ASIC2: variants seen among roughly 807,000 people sequenced by gnomAD.
ASIC2 encodes the protein acid-sensing ion channel 2.
In ASIC2, 25 loss-of-function variants were observed where a neutral mutation model predicts 57.3. The ratio of observed to expected loss-of-function variants is 0.44; its 90% CI spans 0.32 to 0.61. The LOEUF is 0.61. Among genes scored for constraint, ASIC2 ranks in the 20% least tolerant of loss-of-function variants. ASIC2 has a pLI of 0.06. For synonymous variants in ASIC2, 319 were observed against 307.5 expected (o/e 1.04, Z -0.39); for missense variants, 641 against 738.1 (o/e 0.87, Z 1.52).
chr17:33,439,511 T>A (rs1597728291), intron 1 of ASIC2, among the ~76,000 whole-genome samples: 1 of 152,122 alleles, frequency 6.6e-6, no homozygotes, highest in East Asian at 1.9e-4. Flanking sequence ...TTAAGTGCTG[T>A]AGTGTAAATT....
intron 1 of ASIC2, among the ~76,000 whole-genome samples, chr17:33,404,201 A>T (rs1225123002): frequency 6.6e-6 from 1 of 152,184 alleles, no homozygotes; most frequent in Non-Finnish European, 1.5e-5. Flanking sequence ...GTGACTGCAA[A>T]TTAATGAACA....
chr17:33,896,856 T>C (rs1202988628), intron 1 of ASIC2, among the ~76,000 whole-genome samples: 1 of 152,210 alleles, frequency 6.6e-6, no homozygotes, highest in Non-Finnish European at 1.5e-5. Context: ...ATTTTGTGTG[T>C]ATGGTTCCCC....
chr17:33,407,168 G>C (rs896487242), intron 1 of ASIC2, among the ~76,000 whole-genome samples: 3 of 152,152 alleles, frequency 2.0e-5, no homozygotes, highest in African/African-American at 7.2e-5. Flanking sequence ...GACATTTATT[G>C]GGCATTCGCC....
intron 1 of ASIC2, among the ~76,000 whole-genome samples, chr17:33,398,206 A>ATTT (rs1351745048): frequency 2.0e-5 from 3 of 152,220 alleles, no homozygotes; most frequent in African/African-American, 7.2e-5. Context: ...TTAGAACAAA[A>ATTT]GCTCCAAGAA....
At chr17:33,863,900 G>GTT (rs1031021531) in intron 1 of ASIC2, among the ~76,000 whole-genome samples, 1,186 of 72,388 alleles carry the variant, frequency 0.016, 12 homozygotes, top group South Asian at 0.071. Context: ...CTCTTTTTTT[G>GTT]TTTTTTTTTT....
chr17:33,188,069 A>G (rs1906273011), intron 1 of ASIC2, among the ~76,000 whole-genome samples: 1 of 152,164 alleles, frequency 6.6e-6, no homozygotes, highest in Non-Finnish European at 1.5e-5. Context: ...ATCATATATT[A>G]TTTGCTCAAG....
At chr17:33,602,096 C>T (rs1264295531) in intron 1 of ASIC2, among the ~76,000 whole-genome samples, 1 of 151,034 alleles carries the variant, frequency 6.6e-6, no homozygotes, top group African/African-American at 2.4e-5. Context: ...CCTTGGGTCT[C>T]CCTTATGTCT....
At chr17:33,250,120 T>C (rs1013388982) in intron 1 of ASIC2, among the ~76,000 whole-genome samples, 2 of 152,220 alleles carry the variant, frequency 1.3e-5, no homozygotes, top group African/African-American at 4.8e-5. Context: ...AGTTTCCTTA[T>C]TTGTAAAATG....
intron 1 of ASIC2, among the ~76,000 whole-genome samples, chr17:34,026,681 A>C (rs1200553605): frequency 6.6e-6 from 1 of 152,168 alleles, no homozygotes; most frequent in East Asian, 1.9e-4. Flanking sequence ...GCCATTTCCC[A>C]GCATTCATCA....
At chr17:33,831,439 A>G (rs552558293) in intron 1 of ASIC2, among the ~76,000 whole-genome samples, 5 of 152,264 alleles carry the variant, frequency 3.3e-5, no homozygotes, top group African/African-American at 1.2e-4. Context: ...GCCAGATCCT[A>G]CATTCTGGGC....
At chr17:33,685,812 C>T (rs529538620) in intron 1 of ASIC2, among the ~76,000 whole-genome samples, 16 of 152,288 alleles carry the variant, frequency 1.1e-4, no homozygotes, top group African/African-American at 3.8e-4. Context: ...TCAGACAGCA[C>T]TCAAACAAGA....
At chr17:34,133,475 T>A (rs4795870) in intron 1 of ASIC2, among the ~76,000 whole-genome samples, 1 of 152,116 alleles carries the variant, frequency 6.6e-6, no homozygotes, top group Admixed American at 6.5e-5. Flanking sequence ...ATCAGTGCAT[T>A]CTCCCAAGAG....
chr17:33,692,417 C>G (rs1908401000), intron 1 of ASIC2: 1 of 152,146 alleles, frequency 6.6e-6, no homozygotes. Context: ...ATTCTTTATA[C>G]AAGCAGCTGC....
intron 1 of ASIC2, among the ~76,000 whole-genome samples, chr17:33,634,286 C>T (rs80190813): frequency 4.6e-5 from 7 of 152,272 alleles, no homozygotes; most frequent in South Asian, 4.1e-4. Context: ...CAACCTCCCC[C>T]CTTCAGGTCT....
At chr17:33,520,024 A>G (rs902174020) in intron 1 of ASIC2, among the ~76,000 whole-genome samples, 1 of 152,210 alleles carries the variant, frequency 6.6e-6, no homozygotes, top group African/African-American at 2.4e-5. Context: ...GCTGTTAAAC[A>G]TTCATGTGTT....
chr17:33,157,708 CT>C (rs1351166923), intron 1 of ASIC2, among the ~76,000 whole-genome samples: 2 of 152,194 alleles, frequency 1.3e-5, no homozygotes, highest in Non-Finnish European at 2.9e-5. Flanking sequence ...CATATCTCAC[CT>C]GAAATAATGG....
chr17:33,916,124 A>G (rs1915578682), intron 1 of ASIC2, among the ~76,000 whole-genome samples: 1 of 152,114 alleles, frequency 6.6e-6, no homozygotes, highest in Non-Finnish European at 1.5e-5. Flanking sequence ...CTCCTCCCAG[A>G]TAACCAGTTC....
At chr17:33,118,787 T>C (rs2141994550) in intron 1 of ASIC2, among the ~76,000 whole-genome samples, 1 of 152,256 alleles carries the variant, frequency 6.6e-6, no homozygotes, top group East Asian at 1.9e-4. Context: ...CCTCTGCTTT[T>C]CCTCGAAGCC....
At chr17:33,724,463 A>G (rs1248130492) in intron 1 of ASIC2, among the ~76,000 whole-genome samples, 2 of 152,218 alleles carry the variant, frequency 1.3e-5, no homozygotes, top group Non-Finnish European at 1.5e-5. Context: ...AGATCCAAGT[A>G]GATCGGGTAA....
Sources: allele counts gnomAD v4.1 joint callset (sites outside exome capture counted in the v4.1 genomes callset), GRCh38; gene constraint gnomAD v4.1.1; transcripts MANE v1.5; gene names NCBI Gene and HGNC (gene_info 2026-07-23, HGNC 2026-07-21).